The following CLASP2 variants were observed in gnomAD, a reference collection of about 807,000 sequenced individuals.
The protein encoded by CLASP2 is CLIP-associating protein 2.
In CLASP2, 47 loss-of-function variants were observed where a neutral mutation model predicts 194.4. The ratio of observed to expected loss-of-function variants is 0.24; its 90% CI spans 0.19 to 0.31. The LOEUF is 0.31. Among genes scored for constraint, CLASP2 ranks in the 10% least tolerant of loss-of-function variants. CLASP2 has a pLI of 1.00. For synonymous variants in CLASP2, 619 were observed against 633.5 expected (o/e 0.98, Z 0.34); for missense variants, 1,445 against 1,823.6 (o/e 0.79, Z 3.78).
chr3:33,510,785 A>C, intron 36 of CLASP2, 21 bp from the exon 37 acceptor site: 1 of 1,572,408 alleles, frequency 6.4e-7, no homozygotes, highest in South Asian at 1.2e-5. Context: ...TAGGAAATTA[A>C]GCCAGAAAGT....
chr3:33,558,007 G>A (rs1326595617), intron 29 of CLASP2, among the ~76,000 whole-genome samples: 2 of 152,122 alleles, frequency 1.3e-5, no homozygotes, highest in East Asian at 3.9e-4. Flanking sequence ...ACAGGTAGAG[G>A]ACAACGATGA....
chr3:33,619,976 A>C (rs2076848407), intron 11 of CLASP2, among the ~76,000 whole-genome samples: 1 of 152,164 alleles, frequency 6.6e-6, no homozygotes, highest in Non-Finnish European at 1.5e-5. Flanking sequence ...TCTCTTTGCA[A>C]TTAGCACTTG....
At chr3:33,661,632 G>C (rs549490784) in intron 7 of CLASP2, among the ~76,000 whole-genome samples, 1 of 152,150 alleles carries the variant, frequency 6.6e-6, no homozygotes, top group East Asian at 1.9e-4. Flanking sequence ...AAAGATAACA[G>C]GGTTTCATTT....
chr3:33,566,323 GT>G (rs1321081975), intron 27 of CLASP2, among the ~76,000 whole-genome samples: 1 of 152,054 alleles, frequency 6.6e-6, no homozygotes, highest in Admixed American at 6.6e-5. Flanking sequence ...GGGGTTAAAT[GT>G]TTTTTTAAAA....
At chr3:33,518,039 C>T (rs964828871) in intron 34 of CLASP2, among the ~76,000 whole-genome samples, 2 of 152,146 alleles carry the variant, frequency 1.3e-5, no homozygotes, top group Non-Finnish European at 2.9e-5. Flanking sequence ...CTAATCATAC[C>T]ACTCCTTCCA....
intron 1 of CLASP2, among the ~76,000 whole-genome samples, chr3:33,703,720 A>G (rs867751451): frequency 1.3e-5 from 2 of 152,222 alleles, no homozygotes; most frequent in Non-Finnish European, 2.9e-5. Flanking sequence ...TCCTGGACTC[A>G]AGCAATCCAC....
chr3:33,676,662 A>C (rs1335177094), intron 6 of CLASP2, among the ~76,000 whole-genome samples: 1 of 152,220 alleles, frequency 6.6e-6, no homozygotes, highest in African/African-American at 2.4e-5. Flanking sequence ...TCATGTCTAA[A>C]ACACCAAAAA....
intron 18 of CLASP2, among the ~76,000 whole-genome samples, chr3:33,600,995 G>A (rs1013137208): frequency 7.3e-5 from 9 of 123,554 alleles, no homozygotes; most frequent in African/African-American, 9.5e-5. Context: ...GTCTTGCTCC[G>A]TCCCTCAGGC....
chr3:33,652,969 A>G (rs2083466667), intron 7 of CLASP2, among the ~76,000 whole-genome samples: 1 of 152,180 alleles, frequency 6.6e-6, no homozygotes, highest in African/African-American at 2.4e-5. Flanking sequence ...GTCTCTGCCT[A>G]TACTACTACC....
chr3:33,510,823 G>A, intron 36 of CLASP2, 59 bp from the exon 37 acceptor site: 2 of 1,398,648 alleles, frequency 1.4e-6, no homozygotes, highest in Middle Eastern at 2.0e-4. Context: ...ACTACATCCT[G>A]GAAGTATAAA....
chr3:33,650,942 A>G (rs1342120749), intron 7 of CLASP2, among the ~76,000 whole-genome samples: 1 of 152,202 alleles, frequency 6.6e-6, no homozygotes, highest in African/African-American at 2.4e-5. Flanking sequence ...AAAGTCAAAA[A>G]GCTCTAAAAA....
chr3:33,609,367 A>G (rs772748233), intron 13 of CLASP2, among the ~76,000 whole-genome samples: 2 of 152,242 alleles, frequency 1.3e-5, no homozygotes, highest in African/African-American at 2.4e-5. Flanking sequence ...GTGAAGATAT[A>G]CAATGGTGAT....
intron 34 of CLASP2, among the ~76,000 whole-genome samples, chr3:33,518,770 T>C (rs888776882): frequency 4.6e-5 from 7 of 152,228 alleles, no homozygotes; most frequent in African/African-American, 1.7e-4. Context: ...AGCAGATAAT[T>C]AGAAATGACC....
At chr3:33,535,619 T>C (rs2057179133) in intron 33 of CLASP2, among the ~76,000 whole-genome samples, 158 bp from the exon 34 acceptor site, 1 of 152,220 alleles carries the variant, frequency 6.6e-6, no homozygotes, top group South Asian at 2.1e-4. Flanking sequence ...CATTATGAGT[T>C]ACAATTTATA....
chr3:33,577,794 C>A (rs964647131), intron 23 of CLASP2, among the ~76,000 whole-genome samples: 1 of 152,084 alleles, frequency 6.6e-6, no homozygotes, highest in Non-Finnish European at 1.5e-5. Context: ...GGGATTAGTG[C>A]CTTTACAAAA....
intron 12 of CLASP2, among the ~76,000 whole-genome samples, chr3:33,619,057 C>G (rs996691562): frequency 6.6e-6 from 1 of 152,140 alleles, no homozygotes; most frequent in Admixed American, 6.5e-5. Context: ...AGCTGAATTA[C>G]TGTACTGAAT....
At chr3:33,523,450 G>A (rs2053682477) in intron 34 of CLASP2, among the ~76,000 whole-genome samples, 1 of 152,172 alleles carries the variant, frequency 6.6e-6, no homozygotes, top group Non-Finnish European at 1.5e-5. Context: ...AGGATCCTCA[G>A]TAAGATTATC....
chr3:33,543,138 C>T lies in CLASP2; in HGVS notation c.3404+295G>A, dbSNP rs561349078. ...CTGTAATCCCAGCATTTTGGGAGGCCGAGGCGGGCAGATCACCTAAGGTCA... is the reference window on the plus strand; with the variant it reads ...CTGTAATCCCAGCATTTTGGGAGGCTGAGGCGGGCAGATCACCTAAGGTCA... On this transcript the variant is annotated intron_variant, in intron 32 of 38. Coordinates refer to ENST00000682230, the MANE Select transcript of CLASP2 (RefSeq NM_001365631.1). Among the ~76,000 whole-genome samples the T allele has an allele frequency of 3.9e-5, 6 of 152,148 alleles. No homozygotes were observed. The South Asian group carries it at 6.2e-4, about 16-fold the overall frequency.
chr3:33,595,026 C>T (rs1576940610), intron 19 of CLASP2, 58 bp from the exon 20 acceptor site: 1 of 1,135,012 alleles, frequency 8.8e-7, no homozygotes, highest in Non-Finnish European at 1.2e-6. Context: ...GATATTAAGA[C>T]CTACCTCACA....
Sources: allele counts gnomAD v4.1 joint callset (sites outside exome capture counted in the v4.1 genomes callset), GRCh38; gene constraint gnomAD v4.1.1; transcripts MANE v1.5; gene names NCBI Gene and HGNC (gene_info 2026-07-23, HGNC 2026-07-21).